NHERF4: variants seen among roughly 807,000 people sequenced by gnomAD.
NHERF4 encodes Na(+)/H(+) exchange regulatory cofactor NHE-RF4.
chr11:119,187,732 C>T, the NHERF4 span: 137 of 1,477,016 alleles, frequency 9.3e-5, 1 homozygote, highest in African/African-American at 1.8e-3. Flanking sequence ...TCTCCTCCCC[C>T]AATCCGGGCC....
the NHERF4 span, chr11:119,189,182 T>C: frequency 6.2e-7 from 1 of 1,611,432 alleles, no homozygotes; most frequent in Non-Finnish European, 8.5e-7. The surrounding 1 kb of genome is among the most constrained non-coding windows in gnomAD (Gnocchi z 5.8). Flanking sequence ...CTTGGAAGCC[T>C]GGATTCCCCC....
the NHERF4 span, chr11:119,187,385 T>A: frequency 1.9e-6 from 3 of 1,614,032 alleles, no homozygotes; most frequent in Non-Finnish European, 2.5e-6. Context: ...TGTCCCACCC[T>A]AGGCCCAGGG....
chr11:119,186,085 C>A, the NHERF4 span: 2 of 1,610,710 alleles, frequency 1.2e-6, no homozygotes, highest in African/African-American at 2.7e-5. The surrounding 1 kb of genome is among the most constrained non-coding windows in gnomAD (Gnocchi z 4.4). Flanking sequence ...CCCCTGCCTC[C>A]TTGCAGGAAG....
the NHERF4 span, chr11:119,189,018 G>A: frequency 3.7e-6 from 6 of 1,614,106 alleles, no homozygotes; most frequent in Non-Finnish European, 5.1e-6. The surrounding 1 kb of genome is among the most constrained non-coding windows in gnomAD (Gnocchi z 5.8). Context: ...ACTCCAGGAG[G>A]CTCAGCTGCC....
chr11:119,189,504 T>G, the NHERF4 span: 1 of 1,613,762 alleles, frequency 6.2e-7, no homozygotes, highest in Non-Finnish European at 8.5e-7. The surrounding 1 kb of genome is among the most constrained non-coding windows in gnomAD (Gnocchi z 5.8). Context: ...GCACCCCTGC[T>G]TGGTACAGAC....
At chr11:119,188,173 G>A in the NHERF4 span, 7 of 1,519,040 alleles carry the variant, frequency 4.6e-6, no homozygotes, top group Admixed American at 1.0e-4. Context: ...GGCGGTGGGG[G>A]AAGGTGGGCC....
the NHERF4 span, chr11:119,186,725 T>A: frequency 1.4e-5 from 21 of 1,553,206 alleles, no homozygotes; most frequent in African/African-American, 2.7e-4. The surrounding 1 kb of genome is among the most constrained non-coding windows in gnomAD (Gnocchi z 4.4). Flanking sequence ...TGCTAGCACC[T>A]CAGAAAGAGA....
the NHERF4 span, chr11:119,188,752 GCGTGCCT>G: frequency 2.5e-6 from 4 of 1,614,182 alleles, no homozygotes; most frequent in South Asian, 4.4e-5. Context: ...GAAGACACAA[GCGTGCCT>G]TCTGTCCCTC....
chr11:119,186,151 A>C, the NHERF4 span: 28 of 1,614,022 alleles, frequency 1.7e-5, no homozygotes, highest in South Asian at 2.7e-4. The surrounding 1 kb of genome is among the most constrained non-coding windows in gnomAD (Gnocchi z 4.4). Flanking sequence ...CTGGCCGAAG[A>C]CCACGACCCC....
At chr11:119,188,350 C>T in the NHERF4 span, 4 of 1,613,662 alleles carry the variant, frequency 2.5e-6, no homozygotes, top group Non-Finnish European at 3.4e-6. Context: ...ATGTCTATGC[C>T]CCAGGACAGT....
At chr11:119,186,408 G>A in the NHERF4 span, 1 of 1,584,038 alleles carries the variant, frequency 6.3e-7, no homozygotes, top group Non-Finnish European at 8.7e-7. This position sits in a 1 kb window ranked among gnomAD's most constrained non-coding sequence, Gnocchi z 4.4. Flanking sequence ...GGGTCTGCCA[G>A]GCACACGGCG....
At chr11:119,187,637 C>A in the NHERF4 span, 1 of 1,563,774 alleles carries the variant, frequency 6.4e-7, no homozygotes, top group Admixed American at 1.9e-5. Flanking sequence ...CCCCCGGGGC[C>A]CGGCTGCTGG....
At chr11:119,186,572 C>A in the NHERF4 span, 2 of 1,614,068 alleles carry the variant, frequency 1.2e-6, no homozygotes, top group African/African-American at 2.7e-5. This position sits in a 1 kb window ranked among gnomAD's most constrained non-coding sequence, Gnocchi z 4.4. Context: ...CTGGGCAGGG[C>A]TGGGCATGTG....
the NHERF4 span, chr11:119,185,867 G>T: frequency 8.1e-6 from 13 of 1,609,608 alleles, no homozygotes; most frequent in Non-Finnish European, 1.1e-5. Context: ...AATGGAAGAG[G>T]CACATCTGGG....
At chr11:119,186,006 C>A in the NHERF4 span, 1 of 1,613,820 alleles carries the variant, frequency 6.2e-7, no homozygotes, top group South Asian at 1.1e-5. This position sits in a 1 kb window ranked among gnomAD's most constrained non-coding sequence, Gnocchi z 4.4. Flanking sequence ...GGCAGCGAAG[C>A]GCTTCACTGC....
At chr11:119,188,525 C>G in the NHERF4 span, 13 of 1,600,612 alleles carry the variant, frequency 8.1e-6, no homozygotes, top group Non-Finnish European at 1.0e-5. Flanking sequence ...TGTCGTCGAC[C>G]CTGAGGCGGA....
the NHERF4 span, chr11:119,189,153 C>T: frequency 1.2e-6 from 2 of 1,613,620 alleles, no homozygotes; most frequent in South Asian, 1.1e-5. The surrounding 1 kb of genome is among the most constrained non-coding windows in gnomAD (Gnocchi z 5.8). Context: ...CTGAAGCTGG[C>T]AGCCAGGTCT....
At chr11:119,188,815 A>T in the NHERF4 span, 2 of 1,614,108 alleles carry the variant, frequency 1.2e-6, no homozygotes, top group Non-Finnish European at 1.7e-6. Context: ...GGTGGCAGCT[A>T]TGGCTTCCGA....
At chr11:119,186,095 G>A in the NHERF4 span, 2 of 1,611,726 alleles carry the variant, frequency 1.2e-6, no homozygotes, top group Admixed American at 1.7e-5. This position sits in a 1 kb window ranked among gnomAD's most constrained non-coding sequence, Gnocchi z 4.4. Context: ...CTTGCAGGAA[G>A]TTTAAGTTTA....
Sources: gnomAD v4.1 joint callset for allele counts on GRCh38, gnomAD v4.1.1 for gene constraint, Gnocchi (gnomAD v3.1) non-coding constraint, MANE v1.5 for transcripts, NCBI Gene and HGNC (gene_info 2026-07-23, HGNC 2026-07-21) for gene names.